SMAP1: variants seen among roughly 807,000 people sequenced by gnomAD.
SMAP1 encodes stromal membrane-associated protein 1.
SMAP1 carries 24 observed loss-of-function variants against 58.5 expected under a neutral mutation model. The ratio of observed to expected loss-of-function variants is 0.41; its 90% CI spans 0.30 to 0.58. The LOEUF (loss-of-function observed/expected upper bound fraction) is 0.58, where lower values mean the gene tolerates loss of function less well. Among genes scored for constraint, SMAP1 ranks in the 20% least tolerant of loss-of-function variants. SMAP1 has a pLI of 0.29. For synonymous variants in SMAP1, 216 were observed against 196.6 expected (o/e 1.10, Z -0.82); for missense variants, 563 against 566.3 (o/e 0.99, Z 0.06).
chr6:70,850,090 T>C (rs1771127976), intron 7 of SMAP1, among the ~76,000 whole-genome samples: 1 of 152,184 alleles, frequency 6.6e-6, no homozygotes, highest in Non-Finnish European at 1.5e-5. Flanking sequence ...TTTGAAAGTA[T>C]AAGTAAATAT....
chr6:70,680,664 C>T (rs964054853), intron 1 of SMAP1, among the ~76,000 whole-genome samples: 1 of 149,960 alleles, frequency 6.7e-6, no homozygotes, highest in African/African-American at 2.4e-5. Context: ...CAAAAGAATC[C>T]ATACACAAAA....
Position 70,861,730 on chromosome 6 carries a change from C to T in SMAP1, c.*1396C>T, listed in dbSNP as rs374604318. 2.4e-5 allele frequency: 38 copies of T among 1,614,032 alleles called. No homozygotes were observed. The highest frequency in any genetic ancestry group is 1.2e-4 in the African/African-American group (9 of 75,010). ...GTTGGCTAGATTAACCTTCTCTGTCCGAGTGTGCCACACGAGAACCTGAAG... is the reference window on the plus strand; with the variant it reads ...GTTGGCTAGATTAACCTTCTCTGTCTGAGTGTGCCACACGAGAACCTGAAG... On this transcript the variant is annotated 3_prime_UTR_variant, in exon 11 of 11. Transcript: ENST00000370455.
At position 70,816,917 on chromosome 6, in the gene SMAP1, A is replaced by G. The variant is rs1416988866; in HGVS notation, c.576+18180A>G. Among the ~76,000 whole-genome samples, 12 of 152,194 alleles carry G rather than the reference A, an allele frequency of 7.9e-5. No homozygotes were observed. In the South Asian group the frequency reaches 2.5e-3, roughly 32 times the overall value. On this transcript the variant is annotated intron_variant, in intron 6 of 10. Transcript: ENST00000370455. ...TGTTTTTAATGACAGCATTTATAAC[A>G]ATTATAAAAGGGATAATATATAAAA...
chr6:70,725,676 A>G (rs1768749867), intron 1 of SMAP1, among the ~76,000 whole-genome samples: 1 of 152,200 alleles, frequency 6.6e-6, no homozygotes, highest in Non-Finnish European at 1.5e-5. Flanking sequence ...CTCAAGAATT[A>G]ACGTTTACAT....
intron 6 of SMAP1, among the ~76,000 whole-genome samples, chr6:70,801,274 G>C (rs1200291173): frequency 6.6e-6 from 1 of 152,114 alleles, no homozygotes; most frequent in South Asian, 2.1e-4. Context: ...GACCAGTGAT[G>C]GTGAGCATTT....
intron 3 of SMAP1, among the ~76,000 whole-genome samples, chr6:70,771,546 C>T (rs1767312091): frequency 6.6e-6 from 1 of 152,200 alleles, no homozygotes; most frequent in South Asian, 2.1e-4. Flanking sequence ...GGCGTAGGAC[C>T]CTCCGAGCCA....
chr6:70,783,591 G>T (rs1041900013), intron 4 of SMAP1, among the ~76,000 whole-genome samples: 2 of 152,118 alleles, frequency 1.3e-5, no homozygotes, highest in African/African-American at 4.8e-5. Context: ...AATAACCAAT[G>T]CAGAGAAGTG....
chr6:70,798,180 A>AT (rs886869359), intron 5 of SMAP1, among the ~76,000 whole-genome samples: 7 of 152,106 alleles, frequency 4.6e-5, no homozygotes, highest in African/African-American at 1.7e-4. Flanking sequence ...ATATTTTGTG[A>AT]TAAAAAAAGC....
chr6:70,845,301 A>C (rs1290537700), intron 7 of SMAP1, among the ~76,000 whole-genome samples: 5 of 152,222 alleles, frequency 3.3e-5, no homozygotes, highest in Non-Finnish European at 7.3e-5. Context: ...TAAACACCAG[A>C]AGATGCAGCT....
At chr6:70,751,504 A>T (rs994797344) in intron 2 of SMAP1, among the ~76,000 whole-genome samples, 2 of 152,174 alleles carry the variant, frequency 1.3e-5, no homozygotes, top group African/African-American at 4.8e-5. Flanking sequence ...TATTTAAAAA[A>T]TAAATTTAAT....
chr6:70,725,093 G>GTTTTTTT lies in SMAP1; in HGVS notation c.119-7250_119-7244dup, dbSNP rs745587315. On this transcript the variant is annotated intron_variant, in intron 1 of 10. Transcript: ENST00000370455. ...GACTCCATATCCTAAATTAACCAGT[G>GTTTTTTT]TTTTTTTTTTTTTTTTTTTTTTTTT... 1.3e-3 allele frequency among the ~76,000 whole-genome samples: 60 copies of GTTTTTTT among 47,822 alleles called. 20 individuals are homozygous for GTTTTTTT. The highest frequency in any genetic ancestry group is 1.6e-3 in the Non-Finnish European group (40 of 24,998). 31.4% of individuals were successfully genotyped at this position (47,822 alleles called of 152,430 possible).
intron 1 of SMAP1, chr6:70,668,628 G>A (rs1312900758): frequency 9.1e-6 from 14 of 1,535,912 alleles, no homozygotes; most frequent in Non-Finnish European, 1.1e-5. Flanking sequence ...TGGTCTCCTA[G>A]ATGGAGCCCT....
chr6:70,670,293 A>G (rs1266141422), intron 1 of SMAP1, among the ~76,000 whole-genome samples: 2 of 152,214 alleles, frequency 1.3e-5, no homozygotes, highest in African/African-American at 4.8e-5. Flanking sequence ...ATCTAGAAGA[A>G]TATTAAAATG....
chr6:70,767,124 A>G (rs950757716), intron 3 of SMAP1, among the ~76,000 whole-genome samples: 13 of 152,038 alleles, frequency 8.6e-5, no homozygotes, highest in African/African-American at 2.2e-4. Context: ...TTTGGTACCA[A>G]TACCATGCTG....
intron 4 of SMAP1, among the ~76,000 whole-genome samples, chr6:70,785,557 G>A (rs1166679062): frequency 6.6e-6 from 1 of 151,838 alleles, no homozygotes; most frequent in African/African-American, 2.4e-5. Flanking sequence ...ACCGCTAGCA[G>A]GACTAATAAA....
chr6:70,729,459 T>TTTTGTGTGTGTGTGTGTG (rs1491434129), intron 1 of SMAP1, among the ~76,000 whole-genome samples: 10 of 128,168 alleles, frequency 7.8e-5, no homozygotes, highest in African/African-American at 2.9e-4. Context: ...AAAAAGAAGG[T>TTTTGTGTGTGTGTGTGTG]TGTGTGTGTG....
In SMAP1 at chr6:70,739,595, G is replaced by T. The variant is rs1023529591; in HGVS notation, c.252+7084G>T. On this transcript the variant is annotated intron_variant, in intron 2 of 10. Transcript: ENST00000370455. Reference sequence around the variant, plus strand: ...ATATGGTATGCTTCTTCAGTATGTAGTTTTATATCTTTTTTTGTTTCAGTG... The same window carrying T: ...ATATGGTATGCTTCTTCAGTATGTATTTTTATATCTTTTTTTGTTTCAGTG... Among the ~76,000 whole-genome samples the T allele has an allele frequency of 2.0e-5, 3 of 151,968 alleles. No individual in the cohort carries two copies. The East Asian group carries it at 5.8e-4, about 29-fold the overall frequency.
At chr6:70,836,596 ACT>A (rs1376483131) in intron 6 of SMAP1, among the ~76,000 whole-genome samples, 1 of 152,194 alleles carries the variant, frequency 6.6e-6, no homozygotes, top group Non-Finnish European at 1.5e-5. Context: ...ACACAGCCAA[ACT>A]CTATCACAGA....
At chr6:70,843,174 TTAAC>T (rs761323997) in intron 7 of SMAP1, among the ~76,000 whole-genome samples, 22 of 142,870 alleles carry the variant, frequency 1.5e-4, no homozygotes, top group Middle Eastern at 3.6e-3. Flanking sequence ...CTTTTTAAAA[TTAAC>T]TAATAATAAA....
Sources: gnomAD v4.1 joint callset for allele counts (sites outside exome capture counted in the v4.1 genomes callset) on GRCh38, gnomAD v4.1.1 for gene constraint, MANE v1.5 for transcripts, NCBI Gene and HGNC (gene_info 2026-07-23, HGNC 2026-07-21) for gene names.